The following COL5A1 variants were observed in gnomAD, a reference collection of about 807,000 sequenced individuals.
The protein encoded by COL5A1 is collagen type V alpha 1 chain, also known as collagen alpha-1(V) chain.
Under a neutral mutation model 263.7 loss-of-function variants are expected in COL5A1, and 16 were observed. That is an observed-to-expected ratio of 0.06 (90% CI 0.04 to 0.09). The LOEUF is 0.09. Ranked by LOEUF, COL5A1 falls within the 10% of genes least tolerant of loss-of-function variation. The pLI, the probability that COL5A1 is intolerant of heterozygous loss-of-function variation, is 1.00. For missense variants in COL5A1, 2,036 were observed against 2,540.5 expected (o/e 0.80, Z 4.27); for synonymous variants, 1,012 against 1,004.5 (o/e 1.01, Z -0.14).
At chr9:134,772,732 G>C (rs182528959) in intron 25 of COL5A1, 58 bp from the exon 26 acceptor site, 2 of 1,564,636 alleles carry the variant, frequency 1.3e-6, no homozygotes, top group Non-Finnish European at 1.8e-6. Context: ...GAGGGGAAGC[G>C]AGGGAGGCTG....
intron 22 of COL5A1, 80 bp downstream of exon 22, chr9:134,766,578 C>T (rs372142153): frequency 2.6e-5 from 37 of 1,416,774 alleles, no homozygotes; most frequent in African/African-American, 1.5e-4. Context: ...GGAGGTCCAT[C>T]GCTGTCCACA....
rs531264384 is a variant in COL5A1 at position 134,742,613 on chromosome 9, T to C, written c.1494+3805T>C. Among the ~76,000 whole-genome samples, 33 of 152,212 alleles carry C rather than the reference T, an allele frequency of 2.2e-4. No individual in the cohort carries two copies. The highest frequency in any genetic ancestry group is 7.2e-4 in the African/African-American group (30 of 41,538). Reference sequence around the variant, plus strand: ...AGAGGAAACCCAAGAGAGCTGGGAGTCCCCAAGTGAGCTGCAGGCCAGGTG... The same window carrying C: ...AGAGGAAACCCAAGAGAGCTGGGAGCCCCCAAGTGAGCTGCAGGCCAGGTG... On this transcript the variant is annotated intron_variant, in intron 11 of 65. Transcript: ENST00000371817. This position sits in a 1 kb window ranked among gnomAD's most constrained non-coding sequence, Gnocchi z 4.6.
chr9:134,837,443 C>CT (rs1407038882), intron 65 of COL5A1, among the ~76,000 whole-genome samples: 1 of 152,024 alleles, frequency 6.6e-6, no homozygotes, highest in African/African-American at 2.4e-5. Flanking sequence ...AGAGAGGCTT[C>CT]TGCTGCTTTT....
At chr9:134,726,483 A>G (rs997867135) in intron 4 of COL5A1, among the ~76,000 whole-genome samples, 1 of 151,312 alleles carries the variant, frequency 6.6e-6, no homozygotes, top group Non-Finnish European at 1.5e-5. Flanking sequence ...AATGGGTTGA[A>G]GGATGAGTGG....
At chr9:134,780,740 A>G (rs1837220785) in intron 28 of COL5A1, among the ~76,000 whole-genome samples, 1 of 152,226 alleles carries the variant, frequency 6.6e-6, no homozygotes, top group African/African-American at 2.4e-5. Flanking sequence ...TGCAGCCTGC[A>G]GCGGCGACAG....
At position 134,810,852 on chromosome 9, in the gene COL5A1, A is replaced by G. The variant is rs530148271; in HGVS notation, c.3529-487A>G. Reference sequence around the variant, plus strand: ...GATCCGTGCTCCTGGGAGGCCTGCCACAGAGGCTGTGTCCTTCTTCCAGCC... The same window carrying G: ...GATCCGTGCTCCTGGGAGGCCTGCCGCAGAGGCTGTGTCCTTCTTCCAGCC... On this transcript the variant is annotated intron_variant, in intron 44 of 65. Coordinates refer to ENST00000371817, the MANE Select transcript of COL5A1 (RefSeq NM_000093.5). Among the ~76,000 whole-genome samples, 34 of 150,620 alleles carry G rather than the reference A, an allele frequency of 2.3e-4. 2 individuals carry two copies. The highest frequency in any genetic ancestry group is 7.8e-4 in the East Asian group (4 of 5,148).
At chr9:134,796,248 G>T in intron 34 of COL5A1, 126 bp from the exon 35 acceptor site, 1 of 1,047,312 alleles carries the variant, frequency 9.5e-7, no homozygotes, top group Non-Finnish European at 1.5e-6. Context: ...CTGAGGGTCA[G>T]GGCCACCTTC....
In COL5A1 at chr9:134,835,178, A is replaced by C; in HGVS notation, c.5344A>C (p.Ile1782Leu). ...GATGTCCTATGACAACAACCCCTAC[A>C]TCCGCGCCCTGGTGGACGGCTGTGC... ...EEMSYDNNPY[I>L]RALVDGCATK... is the part of the protein sequence containing the mutation. The change falls in exon 65 of 66, where the codon ATC becomes CTC. Residue 1782 changes from isoleucine to leucine, a missense_variant. This residue lies in a region of COL5A1 where 358 missense variants were observed against 384.6 expected (regional missense o/e 0.93). Transcript: ENST00000371817. 6.2e-7 allele frequency: 1 copy of C among 1,613,692 alleles called. No homozygotes were observed. Among genetic ancestry groups the C allele is most frequent in the Non-Finnish European group, 8.5e-7 (1 of 1,180,008 alleles).
At chr9:134,810,047 G>A (rs13293484) in intron 43 of COL5A1, among the ~76,000 whole-genome samples, 39 of 152,288 alleles carry the variant, frequency 2.6e-4, no homozygotes, top group African/African-American at 5.5e-4. Flanking sequence ...AAAGCCTGTC[G>A]AGCATCAGAT....
In COL5A1 at chr9:134,726,001, G is replaced by A. The variant is rs76124048; in HGVS notation, c.655-1265G>A. ...TTGTTTATGCATCTGTTTCAGTTCC[G>A]GAGATTGGAATTACTGGTCATATGG... On this transcript the variant is annotated intron_variant, in intron 4 of 65. Coordinates refer to ENST00000371817, the MANE Select transcript of COL5A1 (RefSeq NM_000093.5). Among the ~76,000 whole-genome samples, 329 of 152,296 alleles carry A rather than the reference G, an allele frequency of 2.2e-3. 11 individuals are homozygous for A. The East Asian group carries it at 0.048, about 22-fold the overall frequency.
Position 134,811,336 on chromosome 9 carries a change from C to T in COL5A1, c.3529-3C>T, listed in dbSNP as rs1838515461. The stretch of plus-strand genomic sequence containing the variant: ...ACCTATGTCTCTGTCTTGTTCCCCG[C>T]AGGGTCCTCCTGGGCCTACAGGTCC... On this transcript the variant is annotated splice_region_variant and splice_polypyrimidine_tract_variant and intron_variant, in intron 44 of 65. Transcript: ENST00000371817. 1.2e-6 allele frequency: 2 copies of T among 1,613,890 alleles called. No individual in the cohort carries two copies. Among genetic ancestry groups the T allele is most frequent in the Non-Finnish European group, 1.7e-6 (2 of 1,179,906 alleles).
Position 134,812,698 on chromosome 9 carries a change from G to A in COL5A1, c.3838G>A (p.Ala1280Thr). The change falls in exon 48 of 66, where the codon GCA (alanine) becomes ACA (threonine). Residue 1280 changes from alanine to threonine, a missense_variant. Ala to Thr is a moderately conservative substitution (Grantham distance 58). Coordinates refer to ENST00000371817, the MANE Select transcript of COL5A1 (RefSeq NM_000093.5). ...CCCAGGTGGAATAGGAAACCCTGGT[G>A]CAGTGGGAGAGAAGGTGAGGCTCGT... ...GPPGGIGNPG[A>T]VGEKGEPGEA... 1 of 1,579,848 alleles carries A rather than the reference G, an allele frequency of 6.3e-7. No individual in the cohort carries two copies. Among genetic ancestry groups the A allele is most frequent in the Non-Finnish European group, 8.6e-7 (1 of 1,162,890 alleles).
Position 134,774,734 on chromosome 9 carries a change from C to G in COL5A1, c.2332-125C>G, listed in dbSNP as rs1836990899. 11 of 981,690 alleles carry G rather than the reference C, an allele frequency of 1.1e-5. No individual in the cohort carries two copies. In the East Asian group the frequency reaches 2.3e-4, roughly 21 times the overall value. The allele number at this position is 981,690 out of a possible 1,614,324, so 60.8% of individuals were successfully genotyped here. On this transcript the variant is annotated intron_variant, in intron 26 of 65. Transcript: ENST00000371817. ...CTCCCACGGGGGGCCTCTCTGGAGG[C>G]TCTGAGCTGGGATGTTCGCCCTGCT...
intron 4 of COL5A1, among the ~76,000 whole-genome samples, chr9:134,720,528 T>G (rs541699958): frequency 6.6e-6 from 1 of 152,176 alleles, no homozygotes; most frequent in Admixed American, 6.5e-5. Flanking sequence ...TGCGCCAGAT[T>G]ATGGCGGTCG....
rs2132862750 is a variant in COL5A1, at chr9:134,818,258, T to C, written c.4231-398T>C. 6.6e-6 allele frequency among the ~76,000 whole-genome samples: 1 copy of C among 152,322 alleles called. No homozygotes were observed. Among genetic ancestry groups the C allele is most frequent in the Admixed American group, 6.5e-5 (1 of 15,308 alleles). ...GGACGCCGTCACCCATGCAGTTGGC[T>C]TGGGGCCTGGCCCAGAGCACACGGG... On this transcript the variant is annotated intron_variant, in intron 54 of 65. Transcript: ENST00000371817. This position sits in a 1 kb window ranked among gnomAD's most constrained non-coding sequence, Gnocchi z 6.0.
intron 11 of COL5A1, among the ~76,000 whole-genome samples, chr9:134,747,186 G>A (rs1228580099): frequency 2.0e-5 from 3 of 152,166 alleles, no homozygotes; most frequent in African/African-American, 4.8e-5. Context: ...AGGACTTCAC[G>A]TTATCCTTGT....
At chr9:134,739,320 G>A (rs1835218387) in intron 11 of COL5A1, among the ~76,000 whole-genome samples, 1 of 152,228 alleles carries the variant, frequency 6.6e-6, no homozygotes, top group East Asian at 1.9e-4. Flanking sequence ...ACACCTGGTG[G>A]GCGCTCCAAG....
At chr9:134,835,235 T>G (rs937520325) in intron 65 of COL5A1, 31 bp downstream of exon 65, 5 of 1,583,174 alleles carry the variant, frequency 3.2e-6, no homozygotes, top group Middle Eastern at 3.4e-4. Context: ...CCAGCACCCC[T>G]GCTCACGCCT....
intron 1 of COL5A1, among the ~76,000 whole-genome samples, chr9:134,648,144 T>C (rs1295823433): frequency 2.0e-5 from 3 of 152,034 alleles, no homozygotes; most frequent in Admixed American, 2.0e-4. Flanking sequence ...ATCTTTCTCC[T>C]GTGCTGGACG....
Sources: allele counts gnomAD v4.1 joint callset (sites outside exome capture counted in the v4.1 genomes callset), GRCh38; gene constraint gnomAD v4.1.1; regional missense constraint gnomAD v4.1.1; non-coding constraint Gnocchi (gnomAD v3.1); transcripts MANE v1.5; gene names NCBI Gene and HGNC (gene_info 2026-07-23, HGNC 2026-07-21).